The following MKX variants were observed in gnomAD, a reference collection of about 807,000 sequenced individuals.
The protein encoded by MKX is mohawk homeobox, also known as homeobox protein Mohawk.
A neutral mutation model predicts 36.0 loss-of-function variants in MKX; 13 were observed. The observed-to-expected ratio is 0.36, with a 90% CI of 0.24 to 0.57. The LOEUF (loss-of-function observed/expected upper bound fraction) is 0.57, where lower values mean the gene tolerates loss of function less well. Among genes scored for constraint, MKX ranks in the 20% least tolerant of loss-of-function variants. The pLI is 0.79. For missense variants in MKX, 458 were observed against 456.4 expected (o/e 1.00, Z -0.03); for synonymous variants, 176 against 178.3 (o/e 0.99, Z 0.10).
intron 5 of MKX, among the ~76,000 whole-genome samples, chr10:27,707,844 A>G (rs1307435171): frequency 2.0e-5 from 3 of 152,240 alleles, no homozygotes; most frequent in African/African-American, 4.8e-5. Flanking sequence ...TTTAAAAAGC[A>G]TATTTTTCTA....
In MKX at chr10:27,685,181, A is replaced by C. The variant is rs1406768699; in HGVS notation, c.839-9627T>G. ...AACCCCTGCATGGCATTATCCAAGTAACCTCTGTCAATAAAGCCACCTGCA... is the reference window on the plus strand; with the variant it reads ...AACCCCTGCATGGCATTATCCAAGTCACCTCTGTCAATAAAGCCACCTGCA... On this transcript the variant is annotated intron_variant, in intron 5 of 6. Transcript: ENST00000419761. Among the ~76,000 whole-genome samples the C allele has an allele frequency of 4.6e-5, 7 of 152,278 alleles. No individual in the cohort carries two copies. In the South Asian group the frequency reaches 1.0e-3, roughly 23 times the overall value.
chr10:27,716,262 T>A (rs1589680229), intron 5 of MKX, among the ~76,000 whole-genome samples: 1 of 152,098 alleles, frequency 6.6e-6, no homozygotes, highest in East Asian at 1.9e-4. Context: ...ACATTCATCA[T>A]GCCATGGGGA....
chr10:27,695,008 T>C (rs1287227878), intron 5 of MKX, among the ~76,000 whole-genome samples: 4 of 150,344 alleles, frequency 2.7e-5, no homozygotes, highest in African/African-American at 9.8e-5. Flanking sequence ...GAAGCAAGAG[T>C]AATTGTTATA....
chr10:27,690,772 C>T (rs183994786), intron 5 of MKX, among the ~76,000 whole-genome samples: 2 of 152,194 alleles, frequency 1.3e-5, no homozygotes, highest in African/African-American at 4.8e-5. Flanking sequence ...GGTACTAAGC[C>T]CCCTACTGGG....
intron 5 of MKX, among the ~76,000 whole-genome samples, chr10:27,681,374 C>T (rs182326605): frequency 7.2e-5 from 11 of 152,008 alleles, no homozygotes; most frequent in Non-Finnish European, 1.2e-4. Flanking sequence ...GCTGGAACCC[C>T]GCAGGCGGAG....
intron 5 of MKX, among the ~76,000 whole-genome samples, chr10:27,719,744 G>A (rs1297215663): frequency 6.6e-6 from 1 of 152,164 alleles, no homozygotes; most frequent in Non-Finnish European, 1.5e-5. Flanking sequence ...CAGAACTTTG[G>A]AAGACCAAGG....
At chr10:27,712,267 A>G (rs1000160085) in intron 5 of MKX, among the ~76,000 whole-genome samples, 1 of 152,200 alleles carries the variant, frequency 6.6e-6, no homozygotes, top group African/African-American at 2.4e-5. Flanking sequence ...GTTTTAGGGA[A>G]TCCTTGAAAC....
At chr10:27,676,355 T>G (rs1432643619) in intron 5 of MKX, among the ~76,000 whole-genome samples, 1 of 151,134 alleles carries the variant, frequency 6.6e-6, no homozygotes, top group Non-Finnish European at 1.5e-5. Flanking sequence ...AATTTCATGG[T>G]TATCAAATTT....
chr10:27,689,705 A>C (rs373571043), intron 5 of MKX, among the ~76,000 whole-genome samples: 7 of 152,002 alleles, frequency 4.6e-5, no homozygotes, highest in African/African-American at 1.7e-4. Flanking sequence ...ACACTAAATA[A>C]CTCATCTCCA....
At chr10:27,684,707 T>C (rs796098405) in intron 5 of MKX, among the ~76,000 whole-genome samples, 90 of 152,318 alleles carry the variant, frequency 5.9e-4, no homozygotes, top group African/African-American at 2.0e-3. Context: ...TCATCCAACT[T>C]AAACTTGAAT....
At chr10:27,725,127 T>C (rs1834461061) in intron 5 of MKX, among the ~76,000 whole-genome samples, 1 of 152,142 alleles carries the variant, frequency 6.6e-6, no homozygotes, top group South Asian at 2.1e-4. Context: ...ACAGAGAAAC[T>C]CATAGCCAAA....
At chr10:27,711,483 C>CTTTCTTTCTTTCTTTCTTTCTTTTTCTT (rs1391922537) in intron 5 of MKX, among the ~76,000 whole-genome samples, 6 of 63,274 alleles carry the variant, frequency 9.5e-5, no homozygotes, top group African/African-American at 3.5e-4. Flanking sequence ...TTCTTTCTTT[C>CTTTCTTTCTTTCTTTCTTTCTTTTTCTT]TCTCTCTCTC....
intron 5 of MKX, among the ~76,000 whole-genome samples, chr10:27,676,612 G>A (rs1469278583): frequency 4.6e-5 from 7 of 152,028 alleles, no homozygotes; most frequent in East Asian, 3.9e-4. Context: ...TCCTGACCTC[G>A]TGATCAGCCT....
intron 1 of MKX, among the ~76,000 whole-genome samples, chr10:27,743,731 A>G (rs539395803): frequency 2.0e-4 from 31 of 152,098 alleles, no homozygotes; most frequent in African/African-American, 7.5e-4. Context: ...GATCCCCCCA[A>G]TCCCTTCACT....
At chr10:27,721,642 G>A (rs759496521) in intron 5 of MKX, among the ~76,000 whole-genome samples, 15 of 152,094 alleles carry the variant, frequency 9.9e-5, no homozygotes, top group Non-Finnish European at 2.1e-4. Flanking sequence ...ATCAAGGGGA[G>A]GGAAAGCATC....
At chr10:27,689,392 T>G (rs1459268264) in intron 5 of MKX, among the ~76,000 whole-genome samples, 1 of 152,236 alleles carries the variant, frequency 6.6e-6, no homozygotes, top group African/African-American at 2.4e-5. Context: ...CTTAATAAAC[T>G]TAAACCTTAA....
chr10:27,708,505 G>A (rs2132537926), intron 5 of MKX, among the ~76,000 whole-genome samples: 1 of 152,314 alleles, frequency 6.6e-6, no homozygotes, highest in Non-Finnish European at 1.5e-5. Context: ...GCCGAGGTGG[G>A]CAGATCACGA....
chr10:27,676,627 C>T (rs1419416657), intron 5 of MKX, among the ~76,000 whole-genome samples: 1 of 152,150 alleles, frequency 6.6e-6, no homozygotes, highest in African/African-American at 2.4e-5. Flanking sequence ...CAGCCTGCCT[C>T]AGCCTCCTAA....
intron 5 of MKX, among the ~76,000 whole-genome samples, chr10:27,691,477 G>C (rs1450982249): frequency 6.6e-6 from 1 of 152,040 alleles, no homozygotes; most frequent in South Asian, 2.1e-4. Context: ...ATATATTATT[G>C]GATTTCTAAT....
Sources: allele counts gnomAD v4.1 joint callset (sites outside exome capture counted in the v4.1 genomes callset), GRCh38; gene constraint gnomAD v4.1.1; transcripts MANE v1.5; gene names NCBI Gene and HGNC (gene_info 2026-07-23, HGNC 2026-07-21).